Variants in GALNTL6 observed in about 807,000 individuals in gnomAD.
The protein encoded by GALNTL6 is polypeptide N-acetylgalactosaminyltransferase like 6.
A neutral mutation model predicts 73.7 loss-of-function variants in GALNTL6; 46 were observed. That is an observed-to-expected ratio of 0.62 (90% CI 0.49 to 0.80). The LOEUF (loss-of-function observed/expected upper bound fraction) is 0.80. Among genes scored for constraint, GALNTL6 ranks in the 30% least tolerant of loss-of-function variants. GALNTL6 has a pLI of 0.00. For synonymous variants in GALNTL6, 259 were observed against 263.7 expected (o/e 0.98, Z 0.17); for missense variants, 604 against 755.0 (o/e 0.80, Z 2.34).
intron 5 of GALNTL6, among the ~76,000 whole-genome samples, chr4:172,650,967 T>G (rs1048309761): frequency 1.3e-5 from 2 of 152,096 alleles, no homozygotes; most frequent in African/African-American, 4.8e-5. Context: ...TTTCAAGAAG[T>G]GGGGAAAGAG....
At chr4:172,647,775 T>C (rs905863811) in intron 5 of GALNTL6, among the ~76,000 whole-genome samples, 1 of 152,138 alleles carries the variant, frequency 6.6e-6, no homozygotes, top group Non-Finnish European at 1.5e-5. Context: ...CTTATTTTTA[T>C]AATTAATTTT....
At chr4:172,676,163 C>T (rs1732291530) in intron 5 of GALNTL6, among the ~76,000 whole-genome samples, 1 of 152,048 alleles carries the variant, frequency 6.6e-6, no homozygotes, top group Non-Finnish European at 1.5e-5. Context: ...TATTACTTAG[C>T]CATGTAAAGT....
Position 172,338,963 on chromosome 4 carries a change from A to C in GALNTL6, c.387-9560A>C, listed in dbSNP as rs548772572. 2.4e-4 allele frequency among the ~76,000 whole-genome samples: 37 copies of C among 152,204 alleles called. 1 individual carries two copies. The Middle Eastern group carries it at 0.014, about 56-fold the overall frequency. On this transcript the variant is annotated intron_variant, in intron 4 of 12. Transcript: ENST00000506823. ...AGCTTGGAGATCTGTCCAGGCATGG[A>C]GGGGAGAGGGCCTCACTTCACATGG...
At chr4:171,873,673 A>G (rs955738435) in intron 2 of GALNTL6, among the ~76,000 whole-genome samples, 2 of 152,150 alleles carry the variant, frequency 1.3e-5, no homozygotes, top group Non-Finnish European at 2.9e-5. Context: ...CTCTCTTTAT[A>G]AGTAATTATC....
At chr4:172,771,356 G>A (rs1342197213) in intron 5 of GALNTL6, among the ~76,000 whole-genome samples, 1 of 152,100 alleles carries the variant, frequency 6.6e-6, no homozygotes, top group Non-Finnish European at 1.5e-5. Flanking sequence ...AGTTCTCTAA[G>A]GTTCCAAAAA....
intron 2 of GALNTL6, among the ~76,000 whole-genome samples, chr4:172,184,986 A>G (rs1735373573): frequency 6.6e-6 from 1 of 152,312 alleles, no homozygotes; most frequent in Non-Finnish European, 1.5e-5. Context: ...TTGGGAATTA[A>G]GTTTCCAATA....
At chr4:172,274,454 A>C (rs1189311151) in intron 3 of GALNTL6, among the ~76,000 whole-genome samples, 1 of 152,232 alleles carries the variant, frequency 6.6e-6, no homozygotes, top group Non-Finnish European at 1.5e-5. Flanking sequence ...CAATCCGTAG[A>C]GCATCGGTTT....
At chr4:172,967,214 C>G (rs1173025074) in intron 10 of GALNTL6, among the ~76,000 whole-genome samples, 1 of 152,208 alleles carries the variant, frequency 6.6e-6, no homozygotes, top group Non-Finnish European at 1.5e-5. Flanking sequence ...CCTTCACTTA[C>G]ATTTTCCCTT....
chr4:172,613,582 T>C (rs1738611055), intron 5 of GALNTL6, among the ~76,000 whole-genome samples: 1 of 139,936 alleles, frequency 7.1e-6, no homozygotes, highest in Non-Finnish European at 1.6e-5. Context: ...AAGAAGATCA[T>C]AGAAATATTT....
chr4:172,602,731 G>T (rs1738112308), intron 5 of GALNTL6, among the ~76,000 whole-genome samples: 1 of 151,938 alleles, frequency 6.6e-6, no homozygotes, highest in Non-Finnish European at 1.5e-5. Context: ...AAACTTACAG[G>T]TATTTACCCA....
intron 3 of GALNTL6, among the ~76,000 whole-genome samples, chr4:172,250,208 C>T (rs1395939832): frequency 2.0e-5 from 3 of 152,106 alleles, no homozygotes; most frequent in Non-Finnish European, 2.9e-5. Flanking sequence ...TCATGGAGGC[C>T]TGTGGCCCCT....
intron 5 of GALNTL6, among the ~76,000 whole-genome samples, chr4:172,409,261 G>A (rs1423586821): frequency 2.0e-5 from 3 of 152,088 alleles, no homozygotes; most frequent in South Asian, 4.1e-4. Flanking sequence ...TTAACCAGCA[G>A]TTATTATTGA....
At chr4:171,973,111 A>T (rs1302070003) in intron 2 of GALNTL6, among the ~76,000 whole-genome samples, 1 of 152,168 alleles carries the variant, frequency 6.6e-6, no homozygotes, top group Non-Finnish European at 1.5e-5. Context: ...TATGAAGCTG[A>T]CCCACTTCAC....
At chr4:172,102,079 A>G (rs958333047) in intron 2 of GALNTL6, among the ~76,000 whole-genome samples, 1 of 152,220 alleles carries the variant, frequency 6.6e-6, no homozygotes, top group African/African-American at 2.4e-5. Flanking sequence ...TTTGGAAAAT[A>G]TTAATGAAAT....
chr4:172,652,482 G>C (rs1035266189), intron 5 of GALNTL6, among the ~76,000 whole-genome samples: 2 of 152,194 alleles, frequency 1.3e-5, no homozygotes. Flanking sequence ...CTGAGTTGTT[G>C]AAAGAGAGAC....
At chr4:172,600,914 G>T (rs1445918954) in intron 5 of GALNTL6, among the ~76,000 whole-genome samples, 1 of 151,784 alleles carries the variant, frequency 6.6e-6, no homozygotes, top group Non-Finnish European at 1.5e-5. Context: ...CATATCTAGT[G>T]TCCAATAAAA....
chr4:172,170,606 G>A (rs1402400266), intron 2 of GALNTL6, among the ~76,000 whole-genome samples: 1 of 146,498 alleles, frequency 6.8e-6, no homozygotes, highest in Non-Finnish European at 1.5e-5. Flanking sequence ...TCCGCTTTCC[G>A]AGTTCAAGTT....
intron 5 of GALNTL6, among the ~76,000 whole-genome samples, chr4:172,384,969 T>TTG (rs71655291): frequency 0.036 from 5,179 of 145,336 alleles, 281 homozygotes; most frequent in African/African-American, 0.12. Context: ...TGTTGTAATT[T>TTG]TGTGTGTGTG....
intron 9 of GALNTL6, among the ~76,000 whole-genome samples, chr4:172,949,672 G>C (rs554735810): frequency 6.6e-6 from 1 of 151,984 alleles, no homozygotes; most frequent in Non-Finnish European, 1.5e-5. Flanking sequence ...CACTTTGGGA[G>C]GCCAACGCGG....
Sources: allele counts gnomAD v4.1 joint callset (sites outside exome capture counted in the v4.1 genomes callset), GRCh38; gene constraint gnomAD v4.1.1; transcripts MANE v1.5; gene names NCBI Gene and HGNC (gene_info 2026-07-23, HGNC 2026-07-21).